The following PACS2 variants were observed in gnomAD, a reference collection of about 807,000 sequenced individuals.
PACS2 encodes phosphofurin acidic cluster sorting protein 2, also known as PACS1-like protein.
A neutral mutation model predicts 113.0 loss-of-function variants in PACS2; 36 were observed. That is an observed-to-expected ratio of 0.32 (90% confidence interval 0.24 to 0.42). The LOEUF (loss-of-function observed/expected upper bound fraction) is 0.42, where lower values mean the gene tolerates loss of function less well. PACS2 is among the 10% of genes least tolerant of loss of function. PACS2 has a pLI of 1.00. For missense variants in PACS2, 1,015 were observed against 1,239.5 expected, an observed-to-expected ratio of 0.82 and a Z score of 2.72; for synonymous variants, 589 against 536.1, an observed-to-expected ratio of 1.10 and a Z score of -1.36.
chr14:105,365,263 CAG>C lies in PACS2; in HGVS notation c.424-1949_424-1948del, dbSNP rs1187869353. The stretch of plus-strand genomic sequence containing the variant: ...CATCACCCCAGGGGAGTGCCCAGCT[CAG>C]GGGTGGCTGGCCCCTTGGCAGGAGG... On this transcript the variant is annotated intron_variant, in intron 4 of 24. Coordinates refer to ENST00000447393, the MANE Select transcript of PACS2 (RefSeq NM_001100913.3). This position sits in a 1 kb window ranked among gnomAD's most constrained non-coding sequence, Gnocchi z 5.1. Among the ~76,000 whole-genome samples the C allele has an allele frequency of 6.6e-6, 1 of 152,216 alleles. No individual in the cohort carries two copies. The highest frequency in any genetic ancestry group is 1.5e-5 in the Non-Finnish European group (1 of 68,028).
intron 8 of PACS2, chr14:105,371,713 C>T (rs1448568558): frequency 1.3e-5 from 2 of 152,236 alleles, no homozygotes; most frequent in African/African-American, 4.8e-5. Flanking sequence ...AGGAGATGCA[C>T]AGTGAGACGA....
chr14:105,394,694 C>A lies in PACS2; in HGVS notation c.*22C>A. 1 of 1,459,286 alleles carries A rather than the reference C, an allele frequency of 6.9e-7. No individual in the cohort carries two copies. The highest frequency in any genetic ancestry group is 9.6e-7 in the Non-Finnish European group (1 of 1,039,068). The allele number at this position is 1,459,286 out of a possible 1,614,324, so 90.4% of individuals were successfully genotyped here. ...CTAGCCCCACCCACCAGGGGGCCCA[C>A]CTCCTGCCCCATGCTGTGAGGGGCC... On this transcript the variant is annotated 3_prime_UTR_variant, in exon 25 of 25. Coordinates refer to ENST00000447393, the MANE Select transcript of PACS2 (RefSeq NM_001100913.3).
chr14:105,319,106 C>T (rs989899297), intron 1 of PACS2, among the ~76,000 whole-genome samples: 14 of 151,466 alleles, frequency 9.2e-5, no homozygotes, highest in African/African-American at 3.4e-4. Context: ...CACCACCACG[C>T]CCAGCTAATT....
At position 105,381,040 on chromosome 14, in the gene PACS2, G is replaced by A. The variant is rs367569578; in HGVS notation, c.1209G>A (p.Glu403=). The change falls in exon 12 of 25, where the codon GAG becomes GAA. Residue 403 remains glutamate, a synonymous_variant. Transcript: ENST00000447393. The part of the protein sequence containing the change: ...AEASTLDVFT[E]RLPPSGRITK... ...CCTCCACCCTGGATGTGTTCACGGA[G>A]AGGCTGCCGCCCAGCGGGAGGATCA... 1.2e-6 allele frequency: 2 copies of A among 1,612,550 alleles called. No individual in the cohort carries two copies. The highest frequency in any genetic ancestry group is 1.3e-5 in the African/African-American group (1 of 75,052).
intron 1 of PACS2, among the ~76,000 whole-genome samples, chr14:105,327,892 C>T (rs587701319): frequency 5.6e-4 from 85 of 151,636 alleles, no homozygotes; most frequent in South Asian, 1.9e-3. Flanking sequence ...AGCCTTGGCT[C>T]ACCGGCCCAG....
In PACS2 at chr14:105,396,026, A is replaced by AG; in HGVS notation, c.*1358dup. The AG allele has an allele frequency of 6.6e-6, 1 of 152,278 alleles. No homozygotes were observed. The allele number at this position is 152,278 out of a possible 1,614,324, so 9.4% of individuals were successfully genotyped here. On this transcript the variant is annotated 3_prime_UTR_variant, in exon 25 of 25. Coordinates refer to ENST00000447393, the MANE Select transcript of PACS2 (RefSeq NM_001100913.3). Reference sequence around the variant, plus strand: ...AGGGTGGGCCTCGAGCCGGGGCTGGAGGGGTCTCCACCCTTGCTGGCCTGA... The same window carrying AG: ...AGGGTGGGCCTCGAGCCGGGGCTGGAGGGGGTCTCCACCCTTGCTGGCCTGA...
At chr14:105,350,056 TC>T (rs2060108293) in intron 2 of PACS2, among the ~76,000 whole-genome samples, 1 of 149,920 alleles carries the variant, frequency 6.7e-6, no homozygotes, top group South Asian at 2.1e-4. Context: ...CCCAAGAACT[TC>T]CAGGAGTGCG....
intron 4 of PACS2, among the ~76,000 whole-genome samples, chr14:105,362,206 C>G (rs948499270): frequency 2.7e-5 from 4 of 150,800 alleles, no homozygotes; most frequent in East Asian, 2.0e-4. Context: ...ATCACGAGGT[C>G]AGGAGATCAA....
chr14:105,352,808 G>GC (rs1185793695), intron 3 of PACS2, among the ~76,000 whole-genome samples: 9 of 96,714 alleles, frequency 9.3e-5, no homozygotes, highest in Admixed American at 5.5e-4. Context: ...GGGGAGACGG[G>GC]CCCCCCCATC....
intron 1 of PACS2, among the ~76,000 whole-genome samples, chr14:105,344,744 G>T (rs587599545): frequency 6.6e-5 from 10 of 152,190 alleles, no homozygotes; most frequent in African/African-American, 2.2e-4. Context: ...TTTCAGTTTA[G>T]TTGTTCCTCT....
At position 105,352,421 on chromosome 14, in the gene PACS2, C is replaced by G; in HGVS notation, c.251C>G (p.Pro84Arg). The change falls in exon 3 of 25, where the codon CCC becomes CGC. Residue 84 changes from proline (P) to arginine (R), a missense_variant. Pro to Arg is a moderately radical substitution (Grantham distance 103). Transcript: ENST00000447393. ...ILRSHEIVLP[P>R]SGQVETDLAL... ...CGGTCCCATGAGATTGTGCTGCCCCCCAGTGGACAAGTGGAGACAGACCTG... is the reference window on the plus strand; with the variant it reads ...CGGTCCCATGAGATTGTGCTGCCCCGCAGTGGACAAGTGGAGACAGACCTG... The G allele has an allele frequency of 6.2e-7, 1 of 1,613,026 alleles. No homozygotes were observed. The highest frequency in any genetic ancestry group is 8.5e-7 in the Non-Finnish European group (1 of 1,179,170).
intron 16 of PACS2, chr14:105,383,983 C>G (rs1461217083): frequency 2.6e-5 from 8 of 305,728 alleles, no homozygotes; most frequent in Non-Finnish European, 4.3e-5. Flanking sequence ...AACAAACCCA[C>G]CCAGCCTTAA....
rs1362954585 is a variant in PACS2 at position 105,309,212 on chromosome 14, G to A, written c.-83+8233G>A. On this transcript the variant is annotated intron_variant, in intron 1 of 23. Coordinates refer to the PACS2 transcript ENST00000430725. The surrounding 1 kb of genome is among the most constrained non-coding windows in gnomAD (Gnocchi z 4.0). Reference sequence around the variant, plus strand: ...ATGATATTCTATTGTGGGAAAGAAAGAAGTGTTAAAATTTATGCATCAAGG... The same window carrying A: ...ATGATATTCTATTGTGGGAAAGAAAAAAGTGTTAAAATTTATGCATCAAGG... 6.6e-6 allele frequency among the ~76,000 whole-genome samples: 1 copy of A among 152,162 alleles called. No homozygotes were observed. The highest frequency in any genetic ancestry group is 2.1e-4 in the South Asian group (1 of 4,830).
rs587634531 is a variant in PACS2 at position 105,387,281 on chromosome 14, G to A, written c.2033+1564G>A. Among the ~76,000 whole-genome samples, 92 of 152,340 alleles carry A rather than the reference G, an allele frequency of 6.0e-4. 1 individual carries two copies. The highest frequency in any genetic ancestry group is 2.1e-3 in the African/African-American group (88 of 41,586). ...CCAGGCTCCCCTGCGAGAGTCCCTCGTGAGGTGACTCCTGCTGGCCCGCCC... is the reference window on the plus strand; with the variant it reads ...CCAGGCTCCCCTGCGAGAGTCCCTCATGAGGTGACTCCTGCTGGCCCGCCC... On this transcript the variant is annotated intron_variant, in intron 19 of 24. Coordinates refer to ENST00000447393, the MANE Select transcript of PACS2 (RefSeq NM_001100913.3).
At chr14:105,333,617 T>G (rs1028953768) in intron 1 of PACS2, among the ~76,000 whole-genome samples, 2 of 152,208 alleles carry the variant, frequency 1.3e-5, no homozygotes, top group African/African-American at 4.8e-5. Flanking sequence ...AGCTGAGCAC[T>G]GAAAGTGCCA....
intron 8 of PACS2, among the ~76,000 whole-genome samples, chr14:105,374,304 G>A (rs28507499): frequency 0.05 from 7,682 of 152,192 alleles, 646 homozygotes; most frequent in African/African-American, 0.17. Context: ...GCAACAAAAG[G>A]TAAGTTTTTC....
chr14:105,373,492 G>T (rs1244225584), intron 8 of PACS2, among the ~76,000 whole-genome samples: 3 of 152,236 alleles, frequency 2.0e-5, no homozygotes, highest in Non-Finnish European at 4.4e-5. Flanking sequence ...AAAGGTGCTA[G>T]GACCACTGGA....
rs1356306677 is a variant in PACS2 at position 105,318,229 on chromosome 14, C to T, written c.119+3192C>T. Among the ~76,000 whole-genome samples, 6 of 152,214 alleles carry T rather than the reference C, an allele frequency of 3.9e-5. No individual in the cohort carries two copies. In the East Asian group the frequency reaches 5.8e-4, roughly 15 times the overall value. On this transcript the variant is annotated intron_variant, in intron 1 of 24. Coordinates refer to ENST00000447393, the MANE Select transcript of PACS2 (RefSeq NM_001100913.3). ...AACTCCTGGGCTCAAGTGATCCTCT[C>T]ACCTCGGCCTCCCGAAGTGCTGAGA...
At chr14:105,326,136 G>A (rs1171312833) in intron 1 of PACS2, among the ~76,000 whole-genome samples, 1 of 152,252 alleles carries the variant, frequency 6.6e-6, no homozygotes. Context: ...CATGGGCATT[G>A]CATGCTGGGC....
Sources: allele counts gnomAD v4.1 joint callset (sites outside exome capture counted in the v4.1 genomes callset), GRCh38; gene constraint gnomAD v4.1.1; non-coding constraint Gnocchi (gnomAD v3.1); transcripts MANE v1.5; gene names NCBI Gene and HGNC (gene_info 2026-07-23, HGNC 2026-07-21).